Variants in RNF8 observed in about 807,000 individuals in gnomAD.
RNF8 encodes E3 ubiquitin-protein ligase RNF8.
RNF8 carries 8 observed loss-of-function variants against 59.3 expected under a neutral mutation model. The ratio of observed to expected loss-of-function variants is 0.13; its 90% CI spans 0.08 to 0.24. RNF8 has a LOEUF of 0.24. Ranked by LOEUF, RNF8 falls within the 10% of genes least tolerant of loss-of-function variation. RNF8 has a pLI of 1.00. For missense variants in RNF8, 406 were observed against 572.6 expected (o/e 0.71, Z 2.97); for synonymous variants, 162 against 200.0 (o/e 0.81, Z 1.60).
chr6:37,372,207 T>G (rs1284509358), intron 4 of RNF8, among the ~76,000 whole-genome samples: 2 of 152,248 alleles, frequency 1.3e-5, no homozygotes, highest in African/African-American at 4.8e-5. Flanking sequence ...GTATTATGAT[T>G]AGTAGTTTAG....
In RNF8 at chr6:37,368,899, C is replaced by A; in HGVS notation, c.656C>A (p.Pro219His). Reference protein sequence around the residue: ...ALEPSKTTGAPIYPGFPKVTE... With the variant: ...ALEPSKTTGAHIYPGFPKVTE... ...GAGCCAAGTAAGACCACAGGGGCTC[C>A]CATTTACCCTGGCTTCCCCAAAGTC... The change falls in exon 3 of 8, where the codon CCC becomes CAC. Residue 219 changes from proline (P) to histidine (H), a missense_variant. Transcript: ENST00000373479. The A allele has an allele frequency of 6.2e-7, 1 of 1,614,160 alleles. No individual in the cohort carries two copies. Among genetic ancestry groups the A allele is most frequent in the South Asian group, 1.1e-5 (1 of 91,084 alleles).
At chr6:37,355,368 A>G (rs985770297) in intron 1 of RNF8, among the ~76,000 whole-genome samples, 1 of 152,226 alleles carries the variant, frequency 6.6e-6, no homozygotes, top group Non-Finnish European at 1.5e-5. Flanking sequence ...GATTTTTCCT[A>G]TAAGCCGTAC....
intron 6 of RNF8, 81 bp downstream of exon 6, chr6:37,377,114 C>G (rs1478105311): frequency 2.6e-6 from 2 of 770,028 alleles, no homozygotes; most frequent in Admixed American, 5.5e-5. Context: ...CTCTGTCAAC[C>G]CAGGCTAGAG....
At chr6:37,371,031 G>A (rs1013885148) in intron 3 of RNF8, among the ~76,000 whole-genome samples, 1 of 152,138 alleles carries the variant, frequency 6.6e-6, no homozygotes, top group African/African-American at 2.4e-5. Context: ...ATAAGCTCAG[G>A]CAAGGAGAGA....
chr6:37,358,333 A>G (rs1769194088), intron 1 of RNF8, among the ~76,000 whole-genome samples: 1 of 152,184 alleles, frequency 6.6e-6, no homozygotes, highest in Admixed American at 6.5e-5. Flanking sequence ...AGTTTTAAGG[A>G]AAGAAGGAAA....
Position 37,390,094 on chromosome 6 carries a change from AG to A in RNF8, c.1442-646del, listed in dbSNP as rs753564378. Among the ~76,000 whole-genome samples the A allele has an allele frequency of 1.5e-3, 222 of 152,352 alleles. 2 individuals are homozygous for A. The highest frequency in any genetic ancestry group is 8.5e-4 in the Non-Finnish European group (58 of 68,024). On this transcript the variant is annotated intron_variant, in intron 7 of 7. Coordinates refer to ENST00000373479, the MANE Select transcript of RNF8 (RefSeq NM_003958.4). ...TCTTGTCCCCTCCCTCTCTGAACAC[AG>A]GAAGAATTCCCGCCTCTCCCTGCCT...
intron 1 of RNF8, among the ~76,000 whole-genome samples, chr6:37,357,362 T>G (rs922182186): frequency 6.6e-6 from 1 of 152,164 alleles, no homozygotes; most frequent in Non-Finnish European, 1.5e-5. Context: ...AAAAGAATGA[T>G]TCCTTTTTCT....
rs890039994 is a variant in RNF8 at position 37,392,967 on chromosome 6, T to C, written c.*2209T>C. 4 of 214,678 alleles carry C rather than the reference T, an allele frequency of 1.9e-5. No homozygotes were observed. Among genetic ancestry groups the C allele is most frequent in the African/African-American group, 4.6e-5 (2 of 43,814 alleles). The allele number at this position is 214,678 out of a possible 1,614,324, so 13.3% of individuals were successfully genotyped here. A position where few individuals can be genotyped will look rare whatever the true frequency, so the allele number is the denominator to read the frequency against. On this transcript the variant is annotated 3_prime_UTR_variant, in exon 8 of 8. Coordinates refer to ENST00000373479, the MANE Select transcript of RNF8 (RefSeq NM_003958.4). ...TTGCACCTGGCCAAGAAGAGACATC[T>C]TGACTTGAGCCTGAAGACTATGTAC...
chr6:37,376,108 A>G (rs1263190436), intron 5 of RNF8, among the ~76,000 whole-genome samples: 1 of 152,246 alleles, frequency 6.6e-6, no homozygotes, highest in Non-Finnish European at 1.5e-5. Context: ...CAGCAACTTT[A>G]TAACTAATTC....
At chr6:37,358,651 G>C (rs1020558180) in intron 1 of RNF8, among the ~76,000 whole-genome samples, 10 of 152,142 alleles carry the variant, frequency 6.6e-5, no homozygotes, top group Non-Finnish European at 1.5e-4. Flanking sequence ...TTAGGTCAGT[G>C]AGTCGTGGTG....
rs1051153396 is a variant in RNF8 at position 37,360,043 on chromosome 6, G to C, written c.112-403G>C. 2.6e-5 allele frequency among the ~76,000 whole-genome samples: 4 copies of C among 152,190 alleles called. No individual in the cohort carries two copies. Among genetic ancestry groups the C allele is most frequent in the African/African-American group, 9.7e-5 (4 of 41,446 alleles). On this transcript the variant is annotated intron_variant, in intron 1 of 7. Transcript: ENST00000373479. This position sits in a 1 kb window ranked among gnomAD's most constrained non-coding sequence, Gnocchi z 4.2. ...AGGGCAAAGCCAGGGCCAATGGATG[G>C]AATTTACAAGGAGAAAAATGCCAAG...
At chr6:37,385,064 A>T (rs1770436040) in intron 7 of RNF8, among the ~76,000 whole-genome samples, 1 of 151,252 alleles carries the variant, frequency 6.6e-6, no homozygotes, top group African/African-American at 2.4e-5. Context: ...CCCAGGCTGG[A>T]GTGCAATGGC....
Position 37,382,779 on chromosome 6 carries a change from A to T in RNF8, c.1441+1425A>T, listed in dbSNP as rs572502568. On this transcript the variant is annotated intron_variant, in intron 7 of 7. Transcript: ENST00000373479. ...CAGATCACGAAGTCAGGAGTTCGAG[A>T]CCAGCCTGGCCAACATGGTGAAAGC... Among the ~76,000 whole-genome samples the T allele has an allele frequency of 6.6e-5, 10 of 152,286 alleles. 1 individual carries two copies. In the South Asian group the frequency reaches 2.1e-3, roughly 32 times the overall value.
intron 6 of RNF8, among the ~76,000 whole-genome samples, chr6:37,377,776 A>C (rs1405297016): frequency 1.3e-5 from 2 of 152,218 alleles, no homozygotes; most frequent in East Asian, 3.9e-4. Flanking sequence ...CGAGGGGGTA[A>C]ACGTCATTAA....
rs1237449814 is a variant in RNF8, at chr6:37,360,008, G to A, written c.112-438G>A. Among the ~76,000 whole-genome samples, 1 of 152,202 alleles carries A rather than the reference G, an allele frequency of 6.6e-6. No homozygotes were observed. Among genetic ancestry groups the A allele is most frequent in the Non-Finnish European group, 1.5e-5 (1 of 68,026 alleles). On this transcript the variant is annotated intron_variant, in intron 1 of 7. Coordinates refer to ENST00000373479, the MANE Select transcript of RNF8 (RefSeq NM_003958.4). The surrounding 1 kb of genome is among the most constrained non-coding windows in gnomAD (Gnocchi z 4.2). ...ATTGAAAGGGGATTGGAGATTTCCC[G>A]ATGGTGCCCAGGGCAAAGCCAGGGC...
In RNF8 at chr6:37,376,963, T is replaced by G; in HGVS notation, c.1166T>G (p.Val389Gly). 6.2e-7 allele frequency: 1 copy of G among 1,613,438 alleles called. No individual in the cohort carries two copies. The highest frequency in any genetic ancestry group is 8.5e-7 in the Non-Finnish European group (1 of 1,179,554). The change falls in exon 6 of 8, where the codon GTT becomes GGT. Residue 389 changes from valine to glycine, a missense_variant. This residue lies in a region of RNF8 where 59 missense variants were observed against 118.5 expected (regional missense o/e 0.50). Transcript: ENST00000373479. ...AAGATGCAAGCACAGAAGGAAGAAG[T>G]TCTTAGCCACATGAATGATGTGCTA... Reference protein sequence around the residue: ...KEKMQAQKEEVLSHMNDVLEN... With the variant: ...KEKMQAQKEEGLSHMNDVLEN...
intron 5 of RNF8, among the ~76,000 whole-genome samples, chr6:37,376,143 A>G (rs1770004700): frequency 1.3e-5 from 2 of 152,200 alleles, no homozygotes; most frequent in Admixed American, 6.5e-5. Flanking sequence ...TGGACTATTC[A>G]TGCCTCTTTT....
At chr6:37,355,064 T>C (rs1481009863) in intron 1 of RNF8, among the ~76,000 whole-genome samples, 1 of 152,104 alleles carries the variant, frequency 6.6e-6, no homozygotes, top group Non-Finnish European at 1.5e-5. Flanking sequence ...CCTGTCGTCT[T>C]TATTAATGCA....
chr6:37,381,435 A>G, intron 7 of RNF8, 81 bp downstream of exon 7: 1 of 1,281,132 alleles, frequency 7.8e-7, no homozygotes, highest in Non-Finnish European at 1.1e-6. Flanking sequence ...TGGAAAGAGA[A>G]AGAGTCAGAT....
Sources: allele counts gnomAD v4.1 joint callset (sites outside exome capture counted in the v4.1 genomes callset), GRCh38; gene constraint gnomAD v4.1.1; regional missense constraint gnomAD v4.1.1; non-coding constraint Gnocchi (gnomAD v3.1); transcripts MANE v1.5; gene names NCBI Gene and HGNC (gene_info 2026-07-23, HGNC 2026-07-21).